The following RBMS3 variants were observed in gnomAD, a reference collection of about 807,000 sequenced individuals.
RBMS3 encodes RNA binding motif single stranded interacting protein 3.
Under a neutral mutation model 66.8 loss-of-function variants are expected in RBMS3, and 27 were observed. The ratio of observed to expected loss-of-function variants is 0.40; its 90% CI spans 0.30 to 0.56. RBMS3 has a LOEUF of 0.56. Ranked by LOEUF, RBMS3 falls within the 20% of genes least tolerant of loss-of-function variation. RBMS3 has a pLI of 0.40. For missense variants in RBMS3, 513 were observed against 549.5 expected, an observed-to-expected ratio of 0.93 and a Z score of 0.66; for synonymous variants, 188 against 183.0, an observed-to-expected ratio of 1.03 and a Z score of -0.22.
chr3:29,583,855 C>A (rs953204289), intron 3 of RBMS3, among the ~76,000 whole-genome samples: 2 of 152,056 alleles, frequency 1.3e-5, no homozygotes, highest in African/African-American at 4.8e-5. Context: ...GAATACTCAG[C>A]AGTTTCCTAC....
At chr3:29,716,150 G>T (rs191979791) in intron 4 of RBMS3, among the ~76,000 whole-genome samples, 1 of 152,086 alleles carries the variant, frequency 6.6e-6, no homozygotes, top group Non-Finnish European at 1.5e-5. Flanking sequence ...GTATAAATTT[G>T]TACAAATTTA....
rs190683833 is a variant in RBMS3 at position 29,923,317 on chromosome 3, A to G, written c.940-12769A>G. On this transcript the variant is annotated intron_variant, in intron 10 of 14. Transcript: ENST00000383767. ...AAGAGTGGGCAGTCCATCACAGATA[A>G]ACTAGCACATGGGGATAGATGATAT... Among the ~76,000 whole-genome samples, 193 of 152,338 alleles carry G rather than the reference A, an allele frequency of 1.3e-3. 1 individual carries two copies. Among genetic ancestry groups the G allele is most frequent in the Admixed American group, 0.011 (173 of 15,298 alleles).
intron 4 of RBMS3, among the ~76,000 whole-genome samples, chr3:29,615,571 A>C (rs2048641535): frequency 6.6e-6 from 1 of 152,172 alleles, no homozygotes. Flanking sequence ...TATCATAAAT[A>C]AAATACAATA....
At chr3:29,922,965 ATTGAAG>A (rs2060833057) in intron 10 of RBMS3, among the ~76,000 whole-genome samples, 1 of 152,226 alleles carries the variant, frequency 6.6e-6, no homozygotes, top group Non-Finnish European at 1.5e-5. Context: ...ACTCAAACTA[ATTGAAG>A]TGGTACTGAG....
chr3:29,911,190 C>G (rs2060504427), intron 10 of RBMS3, among the ~76,000 whole-genome samples: 1 of 151,938 alleles, frequency 6.6e-6, no homozygotes, highest in South Asian at 2.1e-4. Context: ...TTTAGACCAA[C>G]AAGTGTTGGG....
At chr3:29,829,873 C>G in intron 6 of RBMS3, among the ~76,000 whole-genome samples, 1 of 152,070 alleles carries the variant, frequency 6.6e-6, no homozygotes, top group Non-Finnish European at 1.5e-5. Flanking sequence ...CATTGCAGTC[C>G]CATTTCTCAT....
intron 4 of RBMS3, among the ~76,000 whole-genome samples, chr3:29,641,955 C>G (rs1184871154): frequency 6.6e-6 from 1 of 151,984 alleles, no homozygotes; most frequent in Non-Finnish European, 1.5e-5. Context: ...AAGAGGGAAC[C>G]AAACAATGAG....
chr3:29,407,711 T>C (rs2040084240), intron 1 of RBMS3, among the ~76,000 whole-genome samples: 1 of 152,146 alleles, frequency 6.6e-6, no homozygotes, highest in Non-Finnish European at 1.5e-5. Context: ...CTTCTGTGGC[T>C]GAAATGCCAC....
At chr3:29,458,278 C>T (rs1440017113) in intron 2 of RBMS3, among the ~76,000 whole-genome samples, 1 of 152,112 alleles carries the variant, frequency 6.6e-6, no homozygotes, top group African/African-American at 2.4e-5. Context: ...GAGAGTGCTA[C>T]ACATAGATAT....
At chr3:29,305,002 C>G (rs904435786) in intron 1 of RBMS3, among the ~76,000 whole-genome samples, 1 of 151,910 alleles carries the variant, frequency 6.6e-6, no homozygotes, top group Admixed American at 6.6e-5. Flanking sequence ...CCCTGCCCAG[C>G]TCTATGACCT....
chr3:29,538,277 T>A (rs2045644007), intron 3 of RBMS3, among the ~76,000 whole-genome samples: 1 of 152,224 alleles, frequency 6.6e-6, no homozygotes, highest in African/African-American at 2.4e-5. Context: ...GTACAATTTA[T>A]GCGCCCTGGA....
chr3:29,719,105 G>T (rs1353383033), intron 4 of RBMS3, among the ~76,000 whole-genome samples: 1 of 151,640 alleles, frequency 6.6e-6, no homozygotes, highest in African/African-American at 2.4e-5. Flanking sequence ...ACGCAGATCT[G>T]ATTTAGTATA....
At chr3:29,558,798 G>C (rs180721266) in intron 3 of RBMS3, among the ~76,000 whole-genome samples, 1 of 152,272 alleles carries the variant, frequency 6.6e-6, no homozygotes, top group South Asian at 2.1e-4. Context: ...TCCAGGACAG[G>C]TCCCAGTAAC....
At chr3:29,315,479 C>T (rs960536695) in intron 1 of RBMS3, among the ~76,000 whole-genome samples, 7 of 151,690 alleles carry the variant, frequency 4.6e-5, no homozygotes, top group African/African-American at 1.7e-4. Flanking sequence ...CATGTATATA[C>T]ACATTTAGCT....
chr3:29,587,236 T>TG, intron 4 of RBMS3, 31 bp downstream of exon 4: 1 of 778,470 alleles, frequency 1.3e-6, no homozygotes, highest in South Asian at 2.2e-5. Flanking sequence ...TGTTTTTTTT[T>TG]TTTTTTTTTT....
At chr3:29,670,080 G>A (rs1332947515) in intron 4 of RBMS3, among the ~76,000 whole-genome samples, 1 of 151,974 alleles carries the variant, frequency 6.6e-6, no homozygotes, top group African/African-American at 2.4e-5. Flanking sequence ...TATTTGATAG[G>A]TCTTTGGTGC....
At chr3:29,526,048 C>G (rs985459670) in intron 3 of RBMS3, among the ~76,000 whole-genome samples, 3 of 152,048 alleles carry the variant, frequency 2.0e-5, no homozygotes, top group African/African-American at 7.2e-5. Context: ...TTTAATATTT[C>G]CAGTGAGAAG....
At chr3:29,346,414 T>C (rs1259732444) in intron 1 of RBMS3, among the ~76,000 whole-genome samples, 4 of 143,324 alleles carry the variant, frequency 2.8e-5, no homozygotes, top group Non-Finnish European at 6.1e-5. Context: ...TTTTTTTTTT[T>C]TTTTTTTGAG....
intron 12 of RBMS3, among the ~76,000 whole-genome samples, chr3:29,966,200 C>G (rs1290566147): frequency 6.6e-6 from 1 of 151,978 alleles, no homozygotes; most frequent in Non-Finnish European, 1.5e-5. Flanking sequence ...TATATGGGCT[C>G]TTTCTTGGTT....
Sources: gnomAD v4.1 joint callset for allele counts (sites outside exome capture counted in the v4.1 genomes callset) on GRCh38, gnomAD v4.1.1 for gene constraint, MANE v1.5 for transcripts, NCBI Gene and HGNC (gene_info 2026-07-23, HGNC 2026-07-21) for gene names.